SND1: variants seen among roughly 807,000 people sequenced by gnomAD.
The protein encoded by SND1 is staphylococcal nuclease and tudor domain containing 1.
In SND1, 38 loss-of-function variants were observed where a neutral mutation model predicts 121.7. That is an observed-to-expected ratio of 0.31 (90% CI 0.24 to 0.41). The LOEUF (loss-of-function observed/expected upper bound fraction) is 0.41. Ranked by LOEUF, SND1 falls within the 10% of genes least tolerant of loss-of-function variation. The pLI is 1.00. For synonymous variants in SND1, 401 were observed against 447.4 expected (o/e 0.90, Z 1.31); for missense variants, 868 against 1,184.6 (o/e 0.73, Z 3.92).
chr7:128,069,021 G>A (rs1793363290), intron 16 of SND1, among the ~76,000 whole-genome samples: 1 of 152,222 alleles, frequency 6.6e-6, no homozygotes, highest in Non-Finnish European at 1.5e-5. Context: ...TGGCTGGCTG[G>A]CAGCACCCAC....
At chr7:127,966,350 G>T (rs1801852715) in intron 15 of SND1, among the ~76,000 whole-genome samples, 1 of 147,404 alleles carries the variant, frequency 6.8e-6, no homozygotes, top group South Asian at 2.2e-4. Flanking sequence ...GCACCAAGCG[G>T]ACCTAATAGA....
intron 10 of SND1, among the ~76,000 whole-genome samples, chr7:127,742,755 G>A (rs1296433269): frequency 6.6e-6 from 1 of 152,136 alleles, no homozygotes; most frequent in African/African-American, 2.4e-5. Flanking sequence ...GGCATGAGGA[G>A]GGGCACAAAG....
chr7:127,734,441 G>A (rs1796737270), intron 10 of SND1, among the ~76,000 whole-genome samples: 1 of 152,156 alleles, frequency 6.6e-6, no homozygotes, highest in Admixed American at 6.5e-5. Context: ...ATGAAGTGGT[G>A]CCTTGTTAGA....
At chr7:127,820,006 C>T (rs1426062160) in intron 11 of SND1, among the ~76,000 whole-genome samples, 1 of 152,150 alleles carries the variant, frequency 6.6e-6, no homozygotes, top group Non-Finnish European at 1.5e-5. Flanking sequence ...TTATCTTAAT[C>T]ACCCATTATG....
chr7:127,928,634 T>A (rs1031196498), intron 14 of SND1, among the ~76,000 whole-genome samples: 1 of 151,762 alleles, frequency 6.6e-6, no homozygotes, highest in African/African-American at 2.4e-5. Flanking sequence ...GTTGCCCAGG[T>A]TGGAGTGCAA....
intron 16 of SND1, among the ~76,000 whole-genome samples, chr7:128,046,527 C>T (rs951259602): frequency 1.3e-5 from 2 of 151,970 alleles, no homozygotes; most frequent in Non-Finnish European, 2.9e-5. Context: ...CCAAGCCCAG[C>T]TCATTTTTAT....
At chr7:127,724,185 A>G (rs1050514516) in intron 10 of SND1, among the ~76,000 whole-genome samples, 8 of 152,236 alleles carry the variant, frequency 5.3e-5, no homozygotes, top group Admixed American at 2.6e-4. Context: ...AGAGTCTAGT[A>G]GGGGAAATAC....
At chr7:127,761,278 A>G (rs1797301289) in intron 10 of SND1, among the ~76,000 whole-genome samples, 1 of 152,198 alleles carries the variant, frequency 6.6e-6, no homozygotes, top group Non-Finnish European at 1.5e-5. Context: ...AGCATTTTCA[A>G]ATATCTATAT....
Position 127,991,018 on chromosome 7 carries a change from G to A in SND1, c.1741G>A (p.Ala581Thr). ...VQEGEPFSEEATLFTKELVLQ... is the reference protein window; with the variant it reads ...VQEGEPFSEETTLFTKELVLQ... Reference sequence around the variant, plus strand: ...GGAAGGAGAGCCCTTCAGCGAGGAAGCTACACTTTTCACCAAGGAACTGGT... The same window carrying A: ...GGAAGGAGAGCCCTTCAGCGAGGAAACTACACTTTTCACCAAGGAACTGGT... The change falls in exon 16 of 24, where the codon GCT becomes ACT. Residue 581 changes from alanine (A) to threonine (T), a missense_variant. By Grantham distance (58) the Ala-to-Thr change is moderately conservative. Coordinates refer to ENST00000354725, the MANE Select transcript of SND1 (RefSeq NM_014390.4). 6.2e-7 allele frequency: 1 copy of A among 1,614,038 alleles called. No homozygotes were observed. Among genetic ancestry groups the A allele is most frequent in the Non-Finnish European group, 8.5e-7 (1 of 1,179,950 alleles).
At chr7:127,675,592 T>C (rs1394401971) in intron 1 of SND1, among the ~76,000 whole-genome samples, 3 of 152,134 alleles carry the variant, frequency 2.0e-5, no homozygotes, top group African/African-American at 7.2e-5. Flanking sequence ...AAGAGAAAAA[T>C]GAACACTGAT....
At chr7:127,858,948 T>C (rs1303224475) in intron 12 of SND1, among the ~76,000 whole-genome samples, 1 of 152,214 alleles carries the variant, frequency 6.6e-6, no homozygotes, top group Non-Finnish European at 1.5e-5. Context: ...ACGTTGTTTA[T>C]GTATACCTGC....
At chr7:127,725,465 A>G (rs539036311) in intron 10 of SND1, among the ~76,000 whole-genome samples, 2 of 152,172 alleles carry the variant, frequency 1.3e-5, no homozygotes, top group Non-Finnish European at 2.9e-5. Flanking sequence ...CAGCATGGGT[A>G]AAAATATGGG....
chr7:127,937,499 T>C (rs551488299), intron 15 of SND1, among the ~76,000 whole-genome samples: 2 of 150,098 alleles, frequency 1.3e-5, no homozygotes, highest in African/African-American at 4.9e-5. Context: ...CCTCTCTCTC[T>C]CCCTCTCCCT....
intron 16 of SND1, among the ~76,000 whole-genome samples, chr7:128,039,932 A>T (rs886431218): frequency 1.3e-4 from 20 of 152,186 alleles, no homozygotes; most frequent in Non-Finnish European, 2.5e-4. Flanking sequence ...GGCAGCTATA[A>T]ATATCCCACT....
At chr7:128,028,130 G>T (rs1803532441) in intron 16 of SND1, 1 of 152,674 alleles carries the variant, frequency 6.5e-6, no homozygotes, top group Non-Finnish European at 1.5e-5. Flanking sequence ...AGCCTCTGAA[G>T]AAAAATATTA....
chr7:127,772,677 A>G (rs962144127), intron 10 of SND1, among the ~76,000 whole-genome samples: 2 of 142,250 alleles, frequency 1.4e-5, no homozygotes, highest in Non-Finnish European at 3.0e-5. Flanking sequence ...CATGCTGCCT[A>G]AAAATAAATT....
rs1448671642 is a variant in SND1, at chr7:128,028,881, G to A, written c.1779+37825G>A. On this transcript the variant is annotated intron_variant, in intron 16 of 23. Coordinates refer to ENST00000354725, the MANE Select transcript of SND1 (RefSeq NM_014390.4). ...TGCCCCCTCACCTGATACACCGGAC[G>A]GAGCTGCTGTTGCTGCTGCGGATGT... The A allele has an allele frequency of 2.5e-6, 4 of 1,614,004 alleles. No individual in the cohort carries two copies. Among genetic ancestry groups the A allele is most frequent in the Non-Finnish European group, 3.4e-6 (4 of 1,179,988 alleles).
intron 10 of SND1, among the ~76,000 whole-genome samples, chr7:127,765,221 A>G (rs1293768132): frequency 6.6e-6 from 1 of 152,226 alleles, no homozygotes; most frequent in African/African-American, 2.4e-5. Flanking sequence ...CAGTGAGCTC[A>G]GAGGTCGAGG....
chr7:127,758,012 G>A (rs1006689212), intron 10 of SND1, among the ~76,000 whole-genome samples: 3 of 152,118 alleles, frequency 2.0e-5, no homozygotes, highest in Admixed American at 6.5e-5. Context: ...GTAAGCAATC[G>A]CTATGCCGCA....
Sources: allele counts gnomAD v4.1 joint callset (sites outside exome capture counted in the v4.1 genomes callset), GRCh38; gene constraint gnomAD v4.1.1; transcripts MANE v1.5; gene names NCBI Gene and HGNC (gene_info 2026-07-23, HGNC 2026-07-21).